Variants in PRKD1 observed in about 807,000 individuals in gnomAD.
The protein encoded by PRKD1 is protein kinase D1, also known as serine/threonine-protein kinase D1.
Under a neutral mutation model 95.9 loss-of-function variants are expected in PRKD1, and 63 were observed. The ratio of observed to expected loss-of-function variants is 0.66; its 90% CI spans 0.54 to 0.81. The LOEUF (loss-of-function observed/expected upper bound fraction) is 0.81. Among genes scored for constraint, PRKD1 ranks in the 30% least tolerant of loss-of-function variants. The probability of loss-of-function intolerance (pLI) is 0.00; values close to 1 mark genes in which losing one functional copy is unlikely to be tolerated. For synonymous variants in PRKD1, 425 were observed against 423.1 expected, an observed-to-expected ratio of 1.00 and a Z score of -0.05; for missense variants, 1,048 against 1,165.3, an observed-to-expected ratio of 0.90 and a Z score of 1.47.
chr14:29,641,799 G>A (rs778472188), intron 4 of PRKD1, among the ~76,000 whole-genome samples: 1 of 151,644 alleles, frequency 6.6e-6, no homozygotes, highest in Non-Finnish European at 1.5e-5. Context: ...ATAAGGCCAT[G>A]ACCCTGTAAT....
At position 29,826,844 on chromosome 14, in the gene PRKD1, CATATATATATATATAT is replaced by C. The variant is rs1228527833; in HGVS notation, c.264+100389_264+100404del. Among the ~76,000 whole-genome samples the C allele has an allele frequency of 5.7e-3, 162 of 28,672 alleles. 14 individuals are homozygous for C. The highest frequency in any genetic ancestry group is 0.019 in the African/African-American group (157 of 8,258). The allele number at this position is 28,672 out of a possible 152,430, so 18.8% of individuals were successfully genotyped here. A position where few individuals can be genotyped will look rare whatever the true frequency, so the allele number is the denominator to read the frequency against. ...ATATATATATATATATATATACACA[CATATATATATATATAT>C]ATATATATATATATATGATGGAATA... On this transcript the variant is annotated intron_variant, in intron 1 of 17. Transcript: ENST00000331968.
chr14:29,851,525 G>A (rs181411654), intron 1 of PRKD1, among the ~76,000 whole-genome samples: 19 of 152,226 alleles, frequency 1.2e-4, no homozygotes, highest in Admixed American at 4.6e-4. Flanking sequence ...AAACCACAAT[G>A]AGATACCAAC....
chr14:29,754,053 A>T (rs990740358), intron 1 of PRKD1, among the ~76,000 whole-genome samples: 1 of 152,194 alleles, frequency 6.6e-6, no homozygotes, highest in African/African-American at 2.4e-5. Context: ...GCAGTGCCTA[A>T]GGCTTCCTAA....
chr14:29,871,566 A>T (rs1893109201), intron 1 of PRKD1, among the ~76,000 whole-genome samples: 1 of 152,206 alleles, frequency 6.6e-6, no homozygotes, highest in Admixed American at 6.5e-5. Context: ...ATTTATAAAA[A>T]GGGGGTTATA....
intron 16 of PRKD1, among the ~76,000 whole-genome samples, chr14:29,590,933 T>C (rs1893105527): frequency 6.6e-6 from 1 of 152,074 alleles, no homozygotes; most frequent in South Asian, 2.1e-4. Context: ...TGTGCACCAC[T>C]ACGCCTGGCT....
intron 1 of PRKD1, among the ~76,000 whole-genome samples, chr14:29,748,120 T>C (rs1028308796): frequency 2.0e-5 from 3 of 152,208 alleles, no homozygotes; most frequent in African/African-American, 7.2e-5. Flanking sequence ...GTGAGCACCA[T>C]GCAATCTCAC....
At chr14:29,879,397 G>T (rs1264398162) in intron 1 of PRKD1, among the ~76,000 whole-genome samples, 1 of 152,160 alleles carries the variant, frequency 6.6e-6, no homozygotes, top group East Asian at 1.9e-4. Flanking sequence ...TTCCACGTTT[G>T]CTTCTTCCTC....
chr14:29,626,295 C>T (rs1879616352), intron 12 of PRKD1, among the ~76,000 whole-genome samples, 189 bp downstream of exon 12: 1 of 152,080 alleles, frequency 6.6e-6, no homozygotes, highest in East Asian at 1.9e-4. Flanking sequence ...TTTCAAAACA[C>T]ACATATCCCA....
chr14:29,828,340 G>A (rs960077654), intron 1 of PRKD1, among the ~76,000 whole-genome samples: 1 of 151,996 alleles, frequency 6.6e-6, no homozygotes, highest in African/African-American at 2.4e-5. Context: ...GAAGGAGAAG[G>A]TGCCAGGCTC....
At chr14:29,835,489 C>A (rs1891577651) in intron 1 of PRKD1, among the ~76,000 whole-genome samples, 1 of 152,160 alleles carries the variant, frequency 6.6e-6, no homozygotes, top group South Asian at 2.1e-4. Context: ...GATTCCTTTC[C>A]CCAGTTTCCA....
At chr14:29,836,580 G>A (rs139486305) in intron 1 of PRKD1, among the ~76,000 whole-genome samples, 4 of 152,276 alleles carry the variant, frequency 2.6e-5, no homozygotes, top group Admixed American at 1.3e-4. Flanking sequence ...TGAGTAGTTC[G>A]TGTGAGTAGG....
intron 11 of PRKD1, among the ~76,000 whole-genome samples, chr14:29,627,853 G>C (rs1178480955): frequency 6.6e-6 from 1 of 152,112 alleles, no homozygotes; most frequent in Non-Finnish European, 1.5e-5. Context: ...GCTGTCTAGG[G>C]ACAAGACAAG....
chr14:29,668,257 A>T (rs1882635586), intron 2 of PRKD1, among the ~76,000 whole-genome samples: 1 of 152,210 alleles, frequency 6.6e-6, no homozygotes, highest in African/African-American at 2.4e-5. Context: ...AGGAAAACAA[A>T]GTGAATGCTG....
chr14:29,588,008 C>T (rs143702493), intron 16 of PRKD1, among the ~76,000 whole-genome samples: 51 of 152,196 alleles, frequency 3.4e-4, no homozygotes, highest in African/African-American at 1.2e-3. Flanking sequence ...TCCTCCATGC[C>T]GTTATGTCTG....
chr14:29,597,782 A>G (rs776417567), intron 15 of PRKD1, 24 bp from the exon 16 acceptor site: 1 of 1,596,334 alleles, frequency 6.3e-7, no homozygotes, highest in Admixed American at 1.7e-5. Flanking sequence ...GATTTGCAGA[A>G]ATACTCCGTT....
chr14:29,641,856 C>G (rs1425250884), intron 4 of PRKD1, among the ~76,000 whole-genome samples: 1 of 151,568 alleles, frequency 6.6e-6, no homozygotes, highest in Non-Finnish European at 1.5e-5. Flanking sequence ...GTTTAAGAAC[C>G]ACCCTTTCTG....
At chr14:29,665,970 G>T in intron 3 of PRKD1, 107 bp downstream of exon 3, 1 of 1,270,898 alleles carries the variant, frequency 7.9e-7, no homozygotes, top group Non-Finnish European at 1.1e-6. Flanking sequence ...TCCACTCATT[G>T]GTTGATGGGC....
At chr14:29,588,303 A>G (rs1566469462) in intron 16 of PRKD1, among the ~76,000 whole-genome samples, 1 of 152,122 alleles carries the variant, frequency 6.6e-6, no homozygotes, top group Non-Finnish European at 1.5e-5. Flanking sequence ...AGCGTTCTGG[A>G]ACACTGTTGG....
At chr14:29,918,599 T>C (rs537436183) in intron 1 of PRKD1, among the ~76,000 whole-genome samples, 2 of 152,314 alleles carry the variant, frequency 1.3e-5, no homozygotes, top group South Asian at 4.1e-4. Context: ...TGACTCTTTA[T>C]TTCTAGTTTT....
Sources: gnomAD v4.1 joint callset for allele counts (sites outside exome capture counted in the v4.1 genomes callset) on GRCh38, gnomAD v4.1.1 for gene constraint, MANE v1.5 for transcripts, NCBI Gene and HGNC (gene_info 2026-07-23, HGNC 2026-07-21) for gene names.